The following CPXM1 variants were observed in gnomAD, a reference collection of about 807,000 sequenced individuals.
The protein encoded by CPXM1 is probable carboxypeptidase X1.
CPXM1 carries 72 observed loss-of-function variants against 80.4 expected under a neutral mutation model. The ratio of observed to expected loss-of-function variants is 0.90; its 90% CI spans 0.74 to 1.09. The LOEUF (loss-of-function observed/expected upper bound fraction) is 1.09, where lower values mean the gene tolerates loss of function less well. Among genes scored for constraint, CPXM1 ranks in the 50% least tolerant of loss-of-function variants. The probability of loss-of-function intolerance (pLI) is 0.00; values close to 1 mark genes in which losing one functional copy is unlikely to be tolerated. For missense variants in CPXM1, 892 were observed against 999.4 expected, an observed-to-expected ratio of 0.89 and a Z score of 1.45; for synonymous variants, 403 against 405.6, an observed-to-expected ratio of 0.99 and a Z score of 0.08.
rs1568600088 is a variant in CPXM1 at position 2,794,274 on chromosome 20, CCT to C, written c.2119_2120del (p.Arg707AlafsTer33). On this transcript the variant is annotated frameshift_variant, in exon 14 of 14. Transcript: ENST00000380605. LOFTEE classifies it high-confidence loss of function. The surrounding 1 kb of genome is among the most constrained non-coding windows in gnomAD (Gnocchi z 5.2). ...CCCCAGCTGCCAGCAGCTCGCGCAG[CCT>C]CTGTTTGGGAGTCTTGGTGAGCACG... is the stretch of plus-strand genomic sequence containing the variant. Reference protein sequence around the residue: ...NFVLTKTPKQRLRELLAAGAK... With the variant: ...NFVLTKTPKQXLRELLAAGAK... 7 of 1,614,008 alleles carry C rather than the reference CCT, an allele frequency of 4.3e-6. No homozygotes were observed. In the East Asian group the frequency reaches 6.7e-5, roughly 15 times the overall value.
Position 2,796,748 on chromosome 20 carries a change from C to T in CPXM1, c.922-98G>A. ...AAAGACTTAAAAAGTCAGCGATGGC[C>T]CACACAGAGGGGGCATCCCATCATG... On this transcript the variant is annotated intron_variant, in intron 7 of 13. Coordinates refer to ENST00000380605, the MANE Select transcript of CPXM1 (RefSeq NM_019609.5). The surrounding 1 kb of genome is among the most constrained non-coding windows in gnomAD (Gnocchi z 6.8). The T allele has an allele frequency of 6.6e-7, 1 of 1,509,360 alleles. No individual in the cohort carries two copies. Among genetic ancestry groups the T allele is most frequent in the South Asian group, 1.2e-5 (1 of 80,296 alleles). 93.5% of individuals were successfully genotyped at this position (1,509,360 alleles called of 1,614,324 possible).
chr20:2,798,614 G>A (rs2088535151), intron 2 of CPXM1, 77 bp from the exon 3 acceptor site: 2 of 1,538,052 alleles, frequency 1.3e-6, no homozygotes, highest in South Asian at 2.3e-5. Flanking sequence ...GCCTAAGGTT[G>A]CTCCTGCGCT....
At chr20:2,799,469 G>A (rs150839448) in intron 1 of CPXM1, among the ~76,000 whole-genome samples, 7 of 152,242 alleles carry the variant, frequency 4.6e-5, no homozygotes, top group Non-Finnish European at 8.8e-5. Context: ...CCTGCCCGCC[G>A]GCCCTTCAGC....
rs1450681887 is a variant in CPXM1 at position 2,795,221 on chromosome 20, C to A, written c.1860+56G>T. On this transcript the variant is annotated intron_variant, in intron 12 of 13. Transcript: ENST00000380605. The surrounding 1 kb of genome is among the most constrained non-coding windows in gnomAD (Gnocchi z 5.4). ...AAGAACCCCTGGTAGGAGCTGTAGCCTAAATGGACAGCAGGAGTGATTCAG... is the reference window on the plus strand; with the variant it reads ...AAGAACCCCTGGTAGGAGCTGTAGCATAAATGGACAGCAGGAGTGATTCAG... 12 of 1,588,274 alleles carry A rather than the reference C, an allele frequency of 7.6e-6. No homozygotes were observed. The East Asian group carries it at 2.5e-4, about 33-fold the overall frequency.
In CPXM1 at chr20:2,800,111, A is replaced by AGTGTGCGCGCGCGTGCACTGT. The variant is rs1043245147; in HGVS notation, c.172+269_172+289dup. On this transcript the variant is annotated intron_variant, in intron 1 of 13. Coordinates refer to ENST00000380605, the MANE Select transcript of CPXM1 (RefSeq NM_019609.5). Reference sequence around the variant, plus strand: ...TATGTGTGTGTGCACTGTGAGTGTGAGTGTGCGCGCGCGTGCACTGTGTGT... The same window carrying AGTGTGCGCGCGCGTGCACTGT: ...TATGTGTGTGTGCACTGTGAGTGTGAGTGTGCGCGCGCGTGCACTGTGTGTGCGCGCGCGTGCACTGTGTGT... Among the ~76,000 whole-genome samples the AGTGTGCGCGCGCGTGCACTGT allele has an allele frequency of 1.4e-3, 211 of 146,836 alleles. 1 individual carries two copies. Among genetic ancestry groups the AGTGTGCGCGCGCGTGCACTGT allele is most frequent in the South Asian group, 6.7e-4 (3 of 4,476 alleles).
At chr20:2,800,299 T>G in intron 1 of CPXM1, 102 bp downstream of exon 1, 1 of 1,052,422 alleles carries the variant, frequency 9.5e-7, no homozygotes, top group Non-Finnish European at 1.3e-6. Context: ...TGAGTGTGCG[T>G]GGGTGTGCGT....
chr20:2,794,151 A>G lies in CPXM1; in HGVS notation c.*39T>C, dbSNP rs28701772. On this transcript the variant is annotated 3_prime_UTR_variant, in exon 14 of 14. Transcript: ENST00000380605. The surrounding 1 kb of genome is among the most constrained non-coding windows in gnomAD (Gnocchi z 5.2). ...CTCTACTCTTCCCCTTCCCGTCTTGACAGGTCCAGCCTGCCCTAGGGCTCT... is the reference window on the plus strand; with the variant it reads ...CTCTACTCTTCCCCTTCCCGTCTTGGCAGGTCCAGCCTGCCCTAGGGCTCT... 6.4e-7 allele frequency: 1 copy of G among 1,563,516 alleles called. No individual in the cohort carries two copies. Among genetic ancestry groups the G allele is most frequent in the Admixed American group, 1.9e-5 (1 of 53,940 alleles).
At position 2,797,356 on chromosome 20, in the gene CPXM1, G is replaced by C. The variant is rs372360823; in HGVS notation, c.682-14C>G. On this transcript the variant is annotated splice_polypyrimidine_tract_variant and intron_variant, in intron 5 of 13. Coordinates refer to ENST00000380605, the MANE Select transcript of CPXM1 (RefSeq NM_019609.5). ...GGCAGGAAATACCTGGGGGCAGCAA[G>C]TTCTCTGTTGTGGCTGCTCAAACCC... The C allele has an allele frequency of 6.1e-6, 9 of 1,466,220 alleles. No individual in the cohort carries two copies. The highest frequency in any genetic ancestry group is 8.1e-6 in the Non-Finnish European group (9 of 1,110,918). 90.8% of individuals were successfully genotyped at this position (1,466,220 alleles called of 1,614,324 possible). A position where few individuals can be genotyped will look rare whatever the true frequency, so the allele number is the denominator to read the frequency against.
rs181196690 is a variant in CPXM1, at chr20:2,799,910, T to G, written c.172+491A>C. Among the ~76,000 whole-genome samples the G allele has an allele frequency of 2.0e-3, 301 of 152,266 alleles. 2 individuals carry two copies. Among genetic ancestry groups the G allele is most frequent in the African/African-American group, 6.9e-3 (286 of 41,554 alleles). ...AGAGCTTCTGCCCCTCTGTCTCCCCTCCTGCCAGTTCTGGCCTGTTTTGTC... is the reference window on the plus strand; with the variant it reads ...AGAGCTTCTGCCCCTCTGTCTCCCCGCCTGCCAGTTCTGGCCTGTTTTGTC... On this transcript the variant is annotated intron_variant, in intron 1 of 13. Transcript: ENST00000380605.
In CPXM1 at chr20:2,796,521, C is replaced by G. The variant is rs201255371; in HGVS notation, c.1045+6G>C. On this transcript the variant is annotated splice_donor_region_variant and intron_variant, in intron 8 of 13. Coordinates refer to ENST00000380605, the MANE Select transcript of CPXM1 (RefSeq NM_019609.5). This position sits in a 1 kb window ranked among gnomAD's most constrained non-coding sequence, Gnocchi z 6.8. ...GCCTACCTCTCCCCACTCCCCATGC[C>G]AGTACCCAGCTCATGCTCCCCAGGC... The G allele has an allele frequency of 6.2e-7, 1 of 1,613,982 alleles. No individual in the cohort carries two copies. Among genetic ancestry groups the G allele is most frequent in the Non-Finnish European group, 8.5e-7 (1 of 1,179,988 alleles).
chr20:2,800,512 C>G lies in CPXM1; in HGVS notation c.61G>C (p.Ala21Pro), dbSNP rs537783470. The change falls in exon 1 of 14, where the codon GCG becomes CCG. Residue 21 changes from alanine to proline, a missense_variant. Transcript: ENST00000380605. ...FAPAVGPALG[A>P]PRNSVLGLAQ... is the part of the protein sequence containing the mutation. ...AGGCCCAGCACCGAGTTCCTGGGCG[C>G]CCCCAGAGCCGGGCCGACGGCCGGC... The G allele has an allele frequency of 1.0e-5, 14 of 1,370,030 alleles. No individual in the cohort carries two copies. In the East Asian group the frequency reaches 3.4e-4, roughly 33 times the overall value. 84.9% of individuals were successfully genotyped at this position (1,370,030 alleles called of 1,614,324 possible).
In CPXM1 at chr20:2,797,074, C is replaced by T; in HGVS notation, c.853G>A (p.Glu285Lys). Residue 285 changes from glutamate to lysine, a missense_variant, in exon 7 of 14, where the codon GAG becomes AAG. Transcript: ENST00000380605. ...TCAGAGGATCCCGACGCAGGGGCCTCAAGGAATAGGTCATTGGGGTCTGGT... is the reference window on the plus strand; with the variant it reads ...TCAGAGGATCCCGACGCAGGGGCCTTAAGGAATAGGTCATTGGGGTCTGGT... ...PVSDPNDLFL[E>K]APASGSSDPL... 1 of 1,614,046 alleles carries T rather than the reference C, an allele frequency of 6.2e-7. No homozygotes were observed. Among genetic ancestry groups the T allele is most frequent in the Non-Finnish European group, 8.5e-7 (1 of 1,179,966 alleles).
Position 2,795,434 on chromosome 20 carries a change from A to G in CPXM1, c.1721-18T>C, listed in dbSNP as rs2088494769. On this transcript the variant is annotated intron_variant, in intron 11 of 13. Transcript: ENST00000380605. This position sits in a 1 kb window ranked among gnomAD's most constrained non-coding sequence, Gnocchi z 5.4. Reference sequence around the variant, plus strand: ...ATTCATGCCTAAGGGGACCACAGACACTGCTGCCTAAGCAGGCGGGATGCG... The same window carrying G: ...ATTCATGCCTAAGGGGACCACAGACGCTGCTGCCTAAGCAGGCGGGATGCG... 1 of 1,611,236 alleles carries G rather than the reference A, an allele frequency of 6.2e-7. No individual in the cohort carries two copies.
Position 2,800,365 on chromosome 20 carries a change from C to T in CPXM1, c.172+36G>A, listed in dbSNP as rs767663472. ...CGGGGCAGGAGAGCCGGGCAGTCGG[C>T]TTGCGGGGGAGCGGACCGTCGGTCG... On this transcript the variant is annotated intron_variant, in intron 1 of 13. Transcript: ENST00000380605. 4.1e-6 allele frequency: 6 copies of T among 1,475,872 alleles called. No individual in the cohort carries two copies. In the African/African-American group the frequency reaches 8.7e-5, roughly 21 times the overall value. 91.4% of individuals were successfully genotyped at this position (1,475,872 alleles called of 1,614,324 possible). A position where few individuals can be genotyped will look rare whatever the true frequency, so the allele number is the denominator to read the frequency against.
chr20:2,795,972 A>G lies in CPXM1; in HGVS notation c.1422+10T>C. The stretch of plus-strand genomic sequence containing the variant: ...CCACAGACCTCCACTGCCGCCCTCA[A>G]AATACTCACGGTGGCATTGGGCAGG... On this transcript the variant is annotated intron_variant, in intron 10 of 13. Transcript: ENST00000380605. The surrounding 1 kb of genome is among the most constrained non-coding windows in gnomAD (Gnocchi z 5.4). The G allele has an allele frequency of 1.2e-6, 2 of 1,602,786 alleles. No individual in the cohort carries two copies. The highest frequency in any genetic ancestry group is 1.7e-6 in the Non-Finnish European group (2 of 1,172,702).
intron 1 of CPXM1, among the ~76,000 whole-genome samples, chr20:2,799,476 C>T (rs1447178685): frequency 6.6e-5 from 10 of 152,306 alleles, no homozygotes; most frequent in African/African-American, 2.4e-4. Context: ...GCCGGCCCTT[C>T]AGCACAAGGC....
chr20:2,796,082 T>C lies in CPXM1; in HGVS notation c.1322A>G (p.Asn441Ser), dbSNP rs376701569. 13 of 1,614,050 alleles carry C rather than the reference T, an allele frequency of 8.1e-6. No individual in the cohort carries two copies. Among genetic ancestry groups the C allele is most frequent in the African/African-American group, 1.3e-5 (1 of 75,028 alleles). The change falls in exon 10 of 14, where the codon AAC becomes AGC. Residue 441 changes from asparagine (N) to serine (S), a missense_variant. Physicochemically the swap from Asn to Ser is conservative, Grantham distance 46. This residue lies in a region of CPXM1 where 874 missense variants were observed against 958.4 expected (regional missense o/e 0.91). Transcript: ENST00000380605. The surrounding 1 kb of genome is among the most constrained non-coding windows in gnomAD (Gnocchi z 6.8). The part of the protein sequence containing the change: ...IDLNHNFADL[N>S]TPLWEAQDDG... Reference sequence around the variant, plus strand: ...GTCCTGTGCTTCCCACAGTGGTGTGTTGAGGTCAGCAAAATTATGGTTAAG... The same window carrying C: ...GTCCTGTGCTTCCCACAGTGGTGTGCTGAGGTCAGCAAAATTATGGTTAAG...
chr20:2,798,065 G>GGA lies in CPXM1; in HGVS notation c.591-9_591-8dup. 2 of 1,614,124 alleles carry GGA rather than the reference G, an allele frequency of 1.2e-6. No homozygotes were observed. Among genetic ancestry groups the GGA allele is most frequent in the Non-Finnish European group, 1.7e-6 (2 of 1,179,988 alleles). ...TGATGTGACCCAGTCATACCTGGCA[G>GGA]GAGAGGTGGAGAGAGATCATCGGTG... is the stretch of plus-strand genomic sequence containing the variant. On this transcript the variant is annotated splice_region_variant and splice_polypyrimidine_tract_variant and intron_variant, in intron 4 of 13. Coordinates refer to ENST00000380605, the MANE Select transcript of CPXM1 (RefSeq NM_019609.5).
At position 2,795,553 on chromosome 20, in the gene CPXM1, G is replaced by A; in HGVS notation, c.1720+46C>T. 1 of 1,598,762 alleles carries A rather than the reference G, an allele frequency of 6.3e-7. No homozygotes were observed. The highest frequency in any genetic ancestry group is 8.5e-7 in the Non-Finnish European group (1 of 1,170,124). ...ACGCAACCGCAGGCTGTCTTATCAG[G>A]GCGGGGGTTACGGGGCCAGGGCTAA... On this transcript the variant is annotated intron_variant, in intron 11 of 13. Coordinates refer to ENST00000380605, the MANE Select transcript of CPXM1 (RefSeq NM_019609.5). The surrounding 1 kb of genome is among the most constrained non-coding windows in gnomAD (Gnocchi z 5.4).
Sources: allele counts gnomAD v4.1 joint callset (sites outside exome capture counted in the v4.1 genomes callset), GRCh38; gene constraint gnomAD v4.1.1; regional missense constraint gnomAD v4.1.1; non-coding constraint Gnocchi (gnomAD v3.1); transcripts MANE v1.5; gene names NCBI Gene and HGNC (gene_info 2026-07-23, HGNC 2026-07-21).